Variants in SLAIN2 observed in about 807,000 individuals in gnomAD.
The protein encoded by SLAIN2 is SLAIN motif-containing protein 2.
SLAIN2 carries 31 observed loss-of-function variants against 56.6 expected under a neutral mutation model. The ratio of observed to expected loss-of-function variants is 0.55; its 90% CI spans 0.41 to 0.74. The LOEUF is 0.74. Among genes scored for constraint, SLAIN2 ranks in the 30% least tolerant of loss-of-function variants. SLAIN2 has a pLI of 0.00. For missense variants in SLAIN2, 777 were observed against 754.2 expected (o/e 1.03, Z -0.35); for synonymous variants, 317 against 284.9 (o/e 1.11, Z -1.13).
rs1457417888 is a variant in SLAIN2 at position 48,408,503 on chromosome 4, T to C, written c.1361-11622T>C. 2.8e-5 allele frequency among the ~76,000 whole-genome samples: 4 copies of C among 142,664 alleles called. No individual in the cohort carries two copies. In the East Asian group the frequency reaches 8.2e-4, roughly 29 times the overall value. 93.6% of individuals were successfully genotyped at this position (142,664 alleles called of 152,430 possible). On this transcript the variant is annotated intron_variant, in intron 6 of 7. Transcript: ENST00000264313. ...TCCTAACCCTGTATAGGCTTAGGCT[T>C]ATGTGTGTGTTTCTGTCCGTTTTTA... is the stretch of plus-strand genomic sequence containing the variant.
intron 1 of SLAIN2, among the ~76,000 whole-genome samples, chr4:48,358,604 C>T (rs1715230517): frequency 6.6e-6 from 1 of 152,194 alleles, no homozygotes; most frequent in Non-Finnish European, 1.5e-5. Flanking sequence ...GCGTGAGCCA[C>T]TGCGCGCGGC....
At chr4:48,413,519 T>C (rs563386825) in intron 6 of SLAIN2, among the ~76,000 whole-genome samples, 4 of 152,336 alleles carry the variant, frequency 2.6e-5, no homozygotes, top group African/African-American at 9.6e-5. Context: ...CCAGAACTTA[T>C]TTTTAAATAC....
At chr4:48,420,688 A>AC (rs1236216413) in intron 7 of SLAIN2, among the ~76,000 whole-genome samples, 5 of 152,024 alleles carry the variant, frequency 3.3e-5, no homozygotes, top group Non-Finnish European at 5.9e-5. Flanking sequence ...ATCTCAGAGG[A>AC]CCCCTAGAAA....
chr4:48,399,950 T>A (rs1716503367), intron 6 of SLAIN2, among the ~76,000 whole-genome samples: 1 of 152,208 alleles, frequency 6.6e-6, no homozygotes, highest in Non-Finnish European at 1.5e-5. Flanking sequence ...TCAGGGATAT[T>A]GGCCTGATGT....
chr4:48,379,912 A>G, intron 4 of SLAIN2, 64 bp downstream of exon 4: 2 of 1,342,626 alleles, frequency 1.5e-6, no homozygotes, highest in Non-Finnish European at 2.0e-6. Flanking sequence ...TGTATATTAA[A>G]TATGTCTTAA....
At chr4:48,393,656 A>G (rs1232837410) in intron 6 of SLAIN2, among the ~76,000 whole-genome samples, 1 of 152,114 alleles carries the variant, frequency 6.6e-6, no homozygotes, top group Non-Finnish European at 1.5e-5. Flanking sequence ...CTTTTTTTGC[A>G]CATAAACACT....
At chr4:48,394,500 A>G (rs540322990) in intron 6 of SLAIN2, 2 of 1,123,268 alleles carry the variant, frequency 1.8e-6, no homozygotes, top group South Asian at 2.8e-5. Flanking sequence ...TTGTATTAAA[A>G]CATTCAAGTT....
At position 48,341,758 on chromosome 4, in the gene SLAIN2, A is replaced by G; in HGVS notation, c.19A>G (p.Asn7Asp). The stretch of plus-strand genomic sequence containing the variant: ...GGCCGGGATGGAGGACGTTAACTCC[A>G]ACGTGAACGCGGACCAGGAGGTGCG... MEDVNS[N>D]VNADQEVRKL... Residue 7 changes from asparagine to aspartate, a missense_variant, in exon 1 of 8, where the codon AAC becomes GAC. Transcript: ENST00000264313. The G allele has an allele frequency of 3.3e-6, 5 of 1,532,806 alleles. No homozygotes were observed. The South Asian group carries it at 3.7e-5, about 11-fold the overall frequency. The allele number at this position is 1,532,806 out of a possible 1,614,324, so 95.0% of individuals were successfully genotyped here.
intron 1 of SLAIN2, among the ~76,000 whole-genome samples, chr4:48,345,688 A>T (rs1226353834): frequency 6.6e-6 from 1 of 150,468 alleles, no homozygotes; most frequent in East Asian, 1.9e-4. Flanking sequence ...ATTTTTTTTT[A>T]GGCGTGCTCA....
chr4:48,372,180 G>A (rs1343319818), intron 2 of SLAIN2, among the ~76,000 whole-genome samples: 3 of 151,958 alleles, frequency 2.0e-5, no homozygotes, highest in Non-Finnish European at 4.4e-5. Flanking sequence ...TTGAGAATCT[G>A]CTATAATAGG....
intron 6 of SLAIN2, among the ~76,000 whole-genome samples, chr4:48,407,292 TA>T (rs1255535567): frequency 2.0e-4 from 30 of 152,312 alleles, no homozygotes; most frequent in Admixed American, 1.6e-3. Flanking sequence ...TGATTCATTT[TA>T]TAGCCAATTC....
chr4:48,381,526 C>T (rs773692458), intron 4 of SLAIN2, among the ~76,000 whole-genome samples: 4 of 152,126 alleles, frequency 2.6e-5, no homozygotes, highest in Admixed American at 6.5e-5. Flanking sequence ...GGTCTGTTGT[C>T]TTTTGTTAGG....
At position 48,341,689 on chromosome 4, in the gene SLAIN2, T is replaced by G; in HGVS notation, c.-51T>G. 1.3e-6 allele frequency: 2 copies of G among 1,514,182 alleles called. No individual in the cohort carries two copies. Among genetic ancestry groups the G allele is most frequent in the Admixed American group, 2.1e-5 (1 of 47,450 alleles). The allele number at this position is 1,514,182 out of a possible 1,614,324, so 93.8% of individuals were successfully genotyped here. ...CCTCTTTCCTCCGTCTCTTTCCCTG[T>G]CGCTGCGAGAGCGAGCGGGCGGCGG... On this transcript the variant is annotated 5_prime_UTR_variant, in exon 1 of 8. Coordinates refer to ENST00000264313, the MANE Select transcript of SLAIN2 (RefSeq NM_020846.2).
intron 1 of SLAIN2, among the ~76,000 whole-genome samples, chr4:48,349,260 C>G (rs1432529141): frequency 1.3e-5 from 2 of 152,158 alleles, no homozygotes; most frequent in East Asian, 3.9e-4. Flanking sequence ...GTAGCATATT[C>G]ATCTTTATGT....
intron 1 of SLAIN2, among the ~76,000 whole-genome samples, chr4:48,345,125 G>GC (rs1356965812): frequency 2.6e-5 from 4 of 152,234 alleles, no homozygotes; most frequent in African/African-American, 9.6e-5. Flanking sequence ...CTGAATGATG[G>GC]CACCAGGATT....
intron 7 of SLAIN2, among the ~76,000 whole-genome samples, chr4:48,421,774 A>C (rs1717162176): frequency 6.6e-6 from 1 of 151,078 alleles, no homozygotes; most frequent in African/African-American, 2.4e-5. Flanking sequence ...CCTTTCTTTT[A>C]TCTAGTAGCT....
intron 6 of SLAIN2, among the ~76,000 whole-genome samples, chr4:48,405,431 CTCAT>C (rs2109780090): frequency 6.6e-6 from 1 of 152,170 alleles, no homozygotes; most frequent in Non-Finnish European, 1.5e-5. Context: ...CTCTCTCTCT[CTCAT>C]TGTTTGTTTC....
At chr4:48,381,946 A>G (rs1044267777) in intron 4 of SLAIN2, among the ~76,000 whole-genome samples, 1 of 152,180 alleles carries the variant, frequency 6.6e-6, no homozygotes, top group Non-Finnish European at 1.5e-5. Flanking sequence ...GTATCAAGCT[A>G]TATAGGAGAA....
Position 48,341,885 on chromosome 4 carries a change from C to G in SLAIN2, c.146C>G (p.Pro49Arg), listed in dbSNP as rs963786237. The G allele has an allele frequency of 7.9e-6, 12 of 1,513,822 alleles. No individual in the cohort carries two copies. The highest frequency in any genetic ancestry group is 6.4e-5 in the Admixed American group (3 of 47,160). The allele number at this position is 1,513,822 out of a possible 1,614,324, so 93.8% of individuals were successfully genotyped here. Residue 49 changes from proline to arginine, a missense_variant, in exon 1 of 8, where the codon CCG becomes CGG. Pro to Arg is a moderately radical substitution (Grantham distance 103, BLOSUM62 -2). Transcript: ENST00000264313. ...QGAGSLGPGS[P>R]VRAGASIPSS... ...GCCGGCTCCCTTGGGCCCGGCAGCC[C>G]GGTTCGGGCCGGCGCGTCCATTCCC...
Sources: allele counts gnomAD v4.1 joint callset (sites outside exome capture counted in the v4.1 genomes callset), GRCh38; gene constraint gnomAD v4.1.1; transcripts MANE v1.5; gene names NCBI Gene and HGNC (gene_info 2026-07-23, HGNC 2026-07-21).